Variants in VPS13B observed in about 807,000 individuals in gnomAD.
VPS13B encodes the protein intermembrane lipid transfer protein VPS13B.
VPS13B carries 285 observed loss-of-function variants against 426.4 expected under a neutral mutation model. The ratio of observed to expected loss-of-function variants is 0.67; its 90% CI spans 0.61 to 0.74. VPS13B has a LOEUF of 0.74. VPS13B is among the 30% of genes least tolerant of loss of function. The pLI, the probability that VPS13B is intolerant of heterozygous loss-of-function variation, is 0.00. For missense variants in VPS13B, 4,537 were observed against 4,782.6 expected (o/e 0.95, Z 1.51); for synonymous variants, 1,676 against 1,676.4 (o/e 1.00, Z 0.01).
intron 33 of VPS13B, among the ~76,000 whole-genome samples, chr8:99,633,050 T>C (rs1370092648): frequency 6.6e-6 from 1 of 152,054 alleles, no homozygotes; most frequent in Non-Finnish European, 1.5e-5. Flanking sequence ...AGTTAATTGC[T>C]TGACCATTGT....
intron 2 of VPS13B, among the ~76,000 whole-genome samples, chr8:99,026,932 A>G (rs902038606): frequency 1.3e-5 from 2 of 151,740 alleles, no homozygotes; most frequent in African/African-American, 4.8e-5. Flanking sequence ...GCTGGAGTGC[A>G]GCGGTGCAAT....
chr8:99,416,232 A>C (rs1324334470), intron 21 of VPS13B, among the ~76,000 whole-genome samples: 2 of 152,040 alleles, frequency 1.3e-5, no homozygotes, highest in South Asian at 2.1e-4. Context: ...AAAATCACCT[A>C]TTCAAGCCTC....
chr8:99,370,386 AT>A (rs1363865279), intron 19 of VPS13B, among the ~76,000 whole-genome samples: 1 of 152,158 alleles, frequency 6.6e-6, no homozygotes, highest in East Asian at 1.9e-4. Context: ...AATTTGATAT[AT>A]TGAAGGGTAG....
At chr8:99,475,969 T>A (rs990056960) in intron 24 of VPS13B, among the ~76,000 whole-genome samples, 5 of 152,222 alleles carry the variant, frequency 3.3e-5, no homozygotes. Flanking sequence ...ACTCAATAAA[T>A]CCTCATAAAC....
At chr8:99,086,273 C>T (rs944743633) in intron 3 of VPS13B, among the ~76,000 whole-genome samples, 1 of 152,154 alleles carries the variant, frequency 6.6e-6, no homozygotes, top group Admixed American at 6.5e-5. Flanking sequence ...CTTGTGCATT[C>T]ATGATGTAGT....
intron 30 of VPS13B, among the ~76,000 whole-genome samples, chr8:99,545,522 A>AT (rs1823922688): frequency 1.3e-5 from 2 of 152,180 alleles, no homozygotes; most frequent in Admixed American, 1.3e-4. Flanking sequence ...AGACATATAC[A>AT]GCTGGTAGCT....
chr8:99,872,532 C>CA (rs111377404), intron 61 of VPS13B, among the ~76,000 whole-genome samples: 4 of 152,330 alleles, frequency 2.6e-5, no homozygotes, highest in African/African-American at 9.6e-5. Flanking sequence ...AGACAGACCC[C>CA]AGCTTCCTGT....
At chr8:99,824,386 C>G (rs1293237226) in intron 51 of VPS13B, among the ~76,000 whole-genome samples, 2 of 152,204 alleles carry the variant, frequency 1.3e-5, no homozygotes, top group African/African-American at 4.8e-5. Flanking sequence ...TAGGGCCTAA[C>G]TGAGCCGTGG....
chr8:99,360,178 CTTTCTTTCTT>C (rs1349753036), intron 19 of VPS13B, among the ~76,000 whole-genome samples: 204 of 37,178 alleles, frequency 5.5e-3, no homozygotes, highest in Middle Eastern at 0.022. Context: ...TTCTTTCTTT[CTTTCTTTCTT>C]TCTCTCTCTC....
intron 16 of VPS13B, among the ~76,000 whole-genome samples, chr8:99,178,400 A>G (rs1812758120): frequency 6.6e-6 from 1 of 151,382 alleles, no homozygotes; most frequent in African/African-American, 2.4e-5. Flanking sequence ...AAAATTTCTA[A>G]TAATAGCATC....
rs543732826 is a variant in VPS13B, at chr8:99,227,870, A to G, written c.2515+34813A>G. On this transcript the variant is annotated intron_variant, in intron 17 of 61. Transcript: ENST00000357162. Reference sequence around the variant, plus strand: ...TACCTCAACCATTAATCAGCCTACCATTGCCATTGATGACCCAATGCTTAA... The same window carrying G: ...TACCTCAACCATTAATCAGCCTACCGTTGCCATTGATGACCCAATGCTTAA... Among the ~76,000 whole-genome samples the G allele has an allele frequency of 4.3e-4, 65 of 152,326 alleles. No homozygotes were observed. The South Asian group carries it at 4.3e-3, about 10-fold the overall frequency.
chr8:99,635,609 G>T (rs1829036494), intron 33 of VPS13B, among the ~76,000 whole-genome samples: 2 of 152,056 alleles, frequency 1.3e-5, no homozygotes, highest in South Asian at 2.1e-4. Flanking sequence ...AACAAAAATT[G>T]TATTTGTTTT....
intron 23 of VPS13B, among the ~76,000 whole-genome samples, chr8:99,458,271 T>C (rs942859060): frequency 4.6e-5 from 7 of 152,218 alleles, no homozygotes; most frequent in Non-Finnish European, 7.3e-5. Context: ...GGCTGCATAG[T>C]ATTCCATGGT....
rs188714427 is a variant in VPS13B, at chr8:99,667,914, G to A, written c.6046+6423G>A. On this transcript the variant is annotated intron_variant, in intron 35 of 61. Transcript: ENST00000357162. ...TACTAAGAGGAATGTCATTTATGTT[G>A]AGATTGGGCAAACAAATTTCAGCTT... Among the ~76,000 whole-genome samples the A allele has an allele frequency of 2.6e-5, 4 of 152,170 alleles. No homozygotes were observed. The East Asian group carries it at 7.7e-4, about 29-fold the overall frequency.
intron 24 of VPS13B, among the ~76,000 whole-genome samples, chr8:99,474,344 A>G (rs1819581069): frequency 6.6e-6 from 1 of 151,756 alleles, no homozygotes; most frequent in South Asian, 2.1e-4. Context: ...GTGTGCCACC[A>G]CACCTGGCTA....
intron 15 of VPS13B, among the ~76,000 whole-genome samples, chr8:99,163,022 A>G (rs1258746053): frequency 6.6e-6 from 1 of 152,170 alleles, no homozygotes; most frequent in African/African-American, 2.4e-5. Flanking sequence ...AGGTTCTCCA[A>G]GGCCCCACCA....
intron 61 of VPS13B, among the ~76,000 whole-genome samples, chr8:99,874,353 C>A (rs1178410462): frequency 1.3e-5 from 2 of 152,160 alleles, no homozygotes; most frequent in Non-Finnish European, 2.9e-5. Context: ...CGTTTTTCCC[C>A]AAGCTTAAAA....
At chr8:99,637,269 T>C (rs2133921917) in intron 33 of VPS13B, among the ~76,000 whole-genome samples, 2 of 152,194 alleles carry the variant, frequency 1.3e-5, no homozygotes, top group Middle Eastern at 6.8e-3. Context: ...AAATCTGCAG[T>C]GGACTGGTGA....
At chr8:99,770,646 T>G (rs746293756) in intron 40 of VPS13B, among the ~76,000 whole-genome samples, 14 of 152,192 alleles carry the variant, frequency 9.2e-5, no homozygotes, top group Non-Finnish European at 2.1e-4. Flanking sequence ...ACACAGCTAA[T>G]GTACAGAGAT....
Sources: gnomAD v4.1 joint callset for allele counts (sites outside exome capture counted in the v4.1 genomes callset) on GRCh38, gnomAD v4.1.1 for gene constraint, MANE v1.5 for transcripts, NCBI Gene and HGNC (gene_info 2026-07-23, HGNC 2026-07-21) for gene names.